HPSE2: variants seen among roughly 807,000 people sequenced by gnomAD.
HPSE2 encodes inactive heparanase-2.
Under a neutral mutation model 60.5 loss-of-function variants are expected in HPSE2, and 38 were observed. That is an observed-to-expected ratio of 0.63 (90% CI 0.48 to 0.82). The LOEUF (loss-of-function observed/expected upper bound fraction) is 0.82. Among genes scored for constraint, HPSE2 ranks in the 40% least tolerant of loss-of-function variants. HPSE2 has a pLI of 0.00. For missense variants in HPSE2, 713 were observed against 740.4 expected (o/e 0.96, Z 0.43); for synonymous variants, 295 against 293.2 (o/e 1.01, Z -0.06).
At chr10:98,651,937 G>A (rs503731) in intron 6 of HPSE2, among the ~76,000 whole-genome samples, 140,150 of 151,958 alleles carry the variant, frequency 0.92, 65,663 homozygotes, top group East Asian at 1. Context: ...ATGCCTGGCC[G>A]ATTTTTGTAT....
At chr10:99,132,986 C>T (rs1308343597) in intron 3 of HPSE2, among the ~76,000 whole-genome samples, 1 of 152,216 alleles carries the variant, frequency 6.6e-6, no homozygotes, top group Non-Finnish European at 1.5e-5. Context: ...CTAAGATCCA[C>T]TGGCTTGAAA....
intron 9 of HPSE2, among the ~76,000 whole-genome samples, chr10:98,555,377 C>A (rs1225200212): frequency 6.6e-6 from 1 of 152,198 alleles, no homozygotes; most frequent in Non-Finnish European, 1.5e-5. Flanking sequence ...CGCTTTCCTG[C>A]AGAGCCCTGT....
At chr10:99,270,155 C>T in the HPSE2 span, among the ~76,000 whole-genome samples, 2 of 151,762 alleles carry the variant, frequency 1.3e-5, no homozygotes, top group Non-Finnish European at 2.9e-5. Flanking sequence ...TAAGTTGAAA[C>T]AAAAAAGTAC....
intron 7 of HPSE2, among the ~76,000 whole-genome samples, chr10:98,625,681 G>T (rs769620413): frequency 6.6e-6 from 1 of 152,122 alleles, no homozygotes; most frequent in Non-Finnish European, 1.5e-5. Context: ...TAGGCTAAAT[G>T]ATACTAATAA....
At chr10:99,264,322 T>C in the HPSE2 span, among the ~76,000 whole-genome samples, 133,185 of 152,028 alleles carry the variant, frequency 0.88, 58,543 homozygotes, top group African/African-American at 0.94. Context: ...CTCCTGACCT[T>C]GTGATCCGCC....
chr10:98,971,020 T>C (rs1391305938), intron 3 of HPSE2, among the ~76,000 whole-genome samples: 1 of 152,222 alleles, frequency 6.6e-6, no homozygotes, highest in Non-Finnish European at 1.5e-5. Context: ...TGTGATATGG[T>C]GTACATTACA....
At chr10:99,125,846 T>C (rs1277273688) in intron 3 of HPSE2, among the ~76,000 whole-genome samples, 2 of 152,172 alleles carry the variant, frequency 1.3e-5, no homozygotes, top group African/African-American at 4.8e-5. Context: ...AAGGAAGTCA[T>C]CCCTAACTTA....
chr10:98,612,926 C>T (rs1481030161), intron 9 of HPSE2, among the ~76,000 whole-genome samples: 1 of 152,176 alleles, frequency 6.6e-6, no homozygotes, highest in Non-Finnish European at 1.5e-5. Flanking sequence ...ACCTCTCCCC[C>T]TTCCTCATCA....
chr10:98,874,464 T>C (rs1457697481), intron 3 of HPSE2, among the ~76,000 whole-genome samples: 1 of 152,158 alleles, frequency 6.6e-6, no homozygotes, highest in Non-Finnish European at 1.5e-5. Flanking sequence ...TGATTTTGTA[T>C]CCTGAGACTT....
intron 4 of HPSE2, among the ~76,000 whole-genome samples, chr10:98,724,834 T>C (rs1303986888): frequency 1.3e-5 from 2 of 152,122 alleles, no homozygotes; most frequent in Non-Finnish European, 2.9e-5. Flanking sequence ...AGCATTCTTA[T>C]ACACCAATAA....
intron 6 of HPSE2, among the ~76,000 whole-genome samples, chr10:98,690,612 T>C (rs1397201690): frequency 6.6e-6 from 1 of 152,104 alleles, no homozygotes; most frequent in African/African-American, 2.4e-5. Context: ...CATGCAGTAC[T>C]GTTCACTTCT....
intron 3 of HPSE2, among the ~76,000 whole-genome samples, chr10:98,866,083 T>C (rs1232737748): frequency 1.3e-5 from 2 of 152,062 alleles, no homozygotes; most frequent in East Asian, 3.9e-4. Context: ...AATCAATTAA[T>C]CCAAAACAAC....
intron 3 of HPSE2, among the ~76,000 whole-genome samples, chr10:98,901,201 G>C (rs139314204): frequency 1.3e-5 from 2 of 152,250 alleles, no homozygotes; most frequent in Non-Finnish European, 2.9e-5. Context: ...TTTGGGGCTG[G>C]GGATGGAGGA....
upstream of HPSE2, among the ~76,000 whole-genome samples, chr10:99,237,499 C>T (rs1286625078): frequency 6.6e-6 from 1 of 152,162 alleles, no homozygotes; most frequent in Non-Finnish European, 1.5e-5. Context: ...AACCTAAGCA[C>T]CCAGGAAATC....
chr10:99,148,683 G>A (rs776717682), intron 2 of HPSE2, among the ~76,000 whole-genome samples: 6 of 152,014 alleles, frequency 3.9e-5, no homozygotes, highest in Non-Finnish European at 5.9e-5. Context: ...CCAGCTACTC[G>A]GGAGGCTGAG....
chr10:98,815,256 T>C (rs1369746901), intron 3 of HPSE2, among the ~76,000 whole-genome samples: 2 of 152,194 alleles, frequency 1.3e-5, no homozygotes, highest in Non-Finnish European at 2.9e-5. Flanking sequence ...CACTCCAGCC[T>C]GGGCAACAGA....
At position 98,742,149 on chromosome 10, in the gene HPSE2, C is replaced by G. The variant is rs12259458; in HGVS notation, c.784+1734G>C. On this transcript the variant is annotated intron_variant, in intron 4 of 11. Transcript: ENST00000370552. Reference sequence around the variant, plus strand: ...GGAATACGAAAAACTTCAGGCTACCCTAGTTGAGACTCCTACAGTCATGGT... The same window carrying G: ...GGAATACGAAAAACTTCAGGCTACCGTAGTTGAGACTCCTACAGTCATGGT... 3.7e-3 allele frequency among the ~76,000 whole-genome samples: 570 copies of G among 152,216 alleles called. 3 individuals carry two copies. Among genetic ancestry groups the G allele is most frequent in the African/African-American group, 0.013 (548 of 41,528 alleles).
chr10:99,211,062 A>C (rs545023230), intron 2 of HPSE2, among the ~76,000 whole-genome samples: 1 of 152,322 alleles, frequency 6.6e-6, no homozygotes, highest in East Asian at 1.9e-4. Context: ...AAATTCAGTA[A>C]AGTTGCAGGG....
intron 9 of HPSE2, among the ~76,000 whole-genome samples, chr10:98,551,189 A>G (rs1158063942): frequency 6.6e-6 from 1 of 152,042 alleles, no homozygotes; most frequent in Non-Finnish European, 1.5e-5. Context: ...TTTATTTTGT[A>G]TGTGGGATTG....
Sources: allele counts gnomAD v4.1 joint callset (sites outside exome capture counted in the v4.1 genomes callset), GRCh38; gene constraint gnomAD v4.1.1; transcripts MANE v1.5; gene names NCBI Gene and HGNC (gene_info 2026-07-23, HGNC 2026-07-21).